Variants in MMEL1 observed in about 807,000 individuals in gnomAD.
MMEL1 encodes membrane metallo-endopeptidase-like 1.
In MMEL1, 98 loss-of-function variants were observed where a neutral mutation model predicts 117.1. The ratio of observed to expected loss-of-function variants is 0.84; its 90% CI spans 0.71 to 0.99. MMEL1 has a LOEUF of 0.99. Ranked by LOEUF, MMEL1 falls within the 50% of genes least tolerant of loss-of-function variation. The pLI is 0.00. For synonymous variants in MMEL1, 390 were observed against 415.1 expected (o/e 0.94, Z 0.74); for missense variants, 1,014 against 1,049.1 (o/e 0.97, Z 0.46).
At chr1:2,603,828 G>C (rs1570670741) in intron 11 of MMEL1, 56 bp downstream of exon 11, 2 of 1,521,690 alleles carry the variant, frequency 1.3e-6, no homozygotes, top group Non-Finnish European at 1.8e-6. Context: ...CCGCTTCCAT[G>C]TCCCCCACGA....
chr1:2,591,120 A>G (rs781050832), intron 23 of MMEL1, 31 bp from the exon 24 acceptor site: 2 of 1,480,314 alleles, frequency 1.4e-6, no homozygotes, highest in Non-Finnish European at 1.8e-6. Flanking sequence ...CAGCAGGAGC[A>G]TTGCCATCTT....
intron 13 of MMEL1, 93 bp downstream of exon 13, chr1:2,598,114 T>C (rs1468334917): frequency 1.7e-6 from 2 of 1,194,888 alleles, no homozygotes; most frequent in East Asian, 2.3e-5. Context: ...GTGACCCTGG[T>C]GTGGACCTCG....
chr1:2,598,775 G>C lies in MMEL1; in HGVS notation c.1057C>G (p.Leu353Val). 1 of 1,613,924 alleles carries C rather than the reference G, an allele frequency of 6.2e-7. No homozygotes were observed. Among genetic ancestry groups the C allele is most frequent in the Non-Finnish European group, 8.5e-7 (1 of 1,179,896 alleles). Residue 353 changes from leucine (L) to valine (V), a missense_variant, in exon 12 of 24, where the codon CTG (leucine) becomes GTG (valine). Leu to Val is a conservative substitution (Grantham distance 32). Coordinates refer to ENST00000378412, the MANE Select transcript of MMEL1 (RefSeq NM_033467.4). Reference sequence around the variant, plus strand: ...GAGGATAGCACAGTTTGTATGAACAGAGTCCAGTTAAATCCCTGCAGATAG... The same window carrying C: ...GAGGATAGCACAGTTTGTATGAACACAGTCCAGTTAAATCCCTGCAGATAG... ...QFGLKGFNWTLFIQTVLSSVK... is the reference protein window; with the variant it reads ...QFGLKGFNWTVFIQTVLSSVK...
Position 2,592,650 on chromosome 1 carries a change from C to T in MMEL1, c.2067+5G>A. ...GCTGACGCCCCCTCCCCTGCCAGGC[C>T]CCACCTTATAGGCTTGCCGCACCCC... On this transcript the variant is annotated splice_donor_5th_base_variant and intron_variant, in intron 21 of 23. Coordinates refer to ENST00000378412, the MANE Select transcript of MMEL1 (RefSeq NM_033467.4). 1.9e-6 allele frequency: 3 copies of T among 1,582,286 alleles called. No individual in the cohort carries two copies. The highest frequency in any genetic ancestry group is 1.7e-6 in the Non-Finnish European group (2 of 1,167,362).
intron 9 of MMEL1, 61 bp downstream of exon 9, chr1:2,605,497 C>T (rs1645007810): frequency 6.7e-7 from 1 of 1,484,938 alleles, no homozygotes; most frequent in Non-Finnish European, 9.3e-7. Flanking sequence ...ACGGGAAGGC[C>T]AGACCACGGG....
chr1:2,626,401 T>A (rs969911412), intron 2 of MMEL1, among the ~76,000 whole-genome samples: 14 of 152,226 alleles, frequency 9.2e-5, no homozygotes, highest in African/African-American at 3.1e-4. Context: ...AGTCTTGGGG[T>A]TGGACTTCTG....
intron 3 of MMEL1, among the ~76,000 whole-genome samples, chr1:2,611,567 TCTTCCATCCCCATGGGTGG>T (rs1223947371): frequency 6.6e-6 from 1 of 152,134 alleles, no homozygotes; most frequent in Non-Finnish European, 1.5e-5. Flanking sequence ...CTCCACCCCA[TCTTCCATCCCCATGGGTGG>T]TCCAGCCTGG....
chr1:2,616,215 AC>A (rs1415548959), intron 2 of MMEL1, among the ~76,000 whole-genome samples: 2 of 151,936 alleles, frequency 1.3e-5, no homozygotes, highest in East Asian at 3.9e-4. Flanking sequence ...GATGGTGGAC[AC>A]CTGTGGTTCC....
At chr1:2,630,608 T>G (rs774083740) in intron 1 of MMEL1, among the ~76,000 whole-genome samples, 1 of 151,388 alleles carries the variant, frequency 6.6e-6, no homozygotes. Flanking sequence ...CGTGTGTGCA[T>G]GTGTGTGACT....
At chr1:2,604,426 A>G (rs1222457462) in intron 9 of MMEL1, 145 bp from the exon 10 acceptor site, 2 of 1,184,684 alleles carry the variant, frequency 1.7e-6, no homozygotes, top group Admixed American at 2.5e-5. Context: ...TCTCGGGCAC[A>G]CAGAGTGCCG....
At chr1:2,623,310 G>T (rs1252372369) in intron 2 of MMEL1, among the ~76,000 whole-genome samples, 1 of 152,134 alleles carries the variant, frequency 6.6e-6, no homozygotes, top group Non-Finnish European at 1.5e-5. Flanking sequence ...AGTTAAATAA[G>T]CATAAAAATT....
intron 2 of MMEL1, among the ~76,000 whole-genome samples, chr1:2,626,544 A>G (rs1321335339): frequency 1.3e-5 from 2 of 152,270 alleles, no homozygotes; most frequent in Admixed American, 6.5e-5. Context: ...CTGTGTTCCA[A>G]TAAAACTTTA....
rs553955383 is a variant in MMEL1, at chr1:2,600,072, A to G, written c.1042-1282T>C. Among the ~76,000 whole-genome samples, 228 of 152,106 alleles carry G rather than the reference A, an allele frequency of 1.5e-3. 4 individuals carry two copies. Among genetic ancestry groups the G allele is most frequent in the East Asian group, 3.9e-4 (2 of 5,132 alleles). On this transcript the variant is annotated intron_variant, in intron 11 of 23. Coordinates refer to ENST00000378412, the MANE Select transcript of MMEL1 (RefSeq NM_033467.4). ...AACCTCTGACCCCTGGGTTCAAGCAATTCTGCTGCCTCAGCCTCCCTAGTA... is the reference window on the plus strand; with the variant it reads ...AACCTCTGACCCCTGGGTTCAAGCAGTTCTGCTGCCTCAGCCTCCCTAGTA...
chr1:2,596,161 C>A (rs1644835846), intron 14 of MMEL1, 54 bp from the exon 15 acceptor site: 3 of 1,518,802 alleles, frequency 2.0e-6, no homozygotes, highest in South Asian at 2.3e-5. Flanking sequence ...GGCGAATGAC[C>A]AGCCTCAAGG....
At chr1:2,610,288 C>T (rs11589185) in intron 4 of MMEL1, among the ~76,000 whole-genome samples, 9,438 of 152,290 alleles carry the variant, frequency 0.062, 407 homozygotes, top group Non-Finnish European at 0.091. Flanking sequence ...AAGTGGTCCA[C>T]CTCGGCCTCC....
At chr1:2,603,747 C>T in intron 11 of MMEL1, 137 bp downstream of exon 11, 2 of 729,022 alleles carry the variant, frequency 2.7e-6, no homozygotes, top group Non-Finnish European at 4.5e-6. Context: ...TGATCAGGTA[C>T]AGGGTCTCCC....
chr1:2,628,289 C>A (rs552398227), intron 2 of MMEL1, among the ~76,000 whole-genome samples: 2 of 152,240 alleles, frequency 1.3e-5, no homozygotes, highest in African/African-American at 2.4e-5. Context: ...CATGCAGCCC[C>A]GGGCCGGGAC....
At chr1:2,629,301 G>A (rs1254748670) in intron 2 of MMEL1, 30 bp downstream of exon 2, 16 of 1,515,084 alleles carry the variant, frequency 1.1e-5, no homozygotes, top group Non-Finnish European at 1.2e-5. Flanking sequence ...CGGGCACGGG[G>A]ACAGGCGGGG....
At chr1:2,609,282 C>G in intron 6 of MMEL1, 57 bp downstream of exon 6, 1 of 1,548,814 alleles carries the variant, frequency 6.5e-7, no homozygotes, top group South Asian at 1.2e-5. Context: ...TAGGCCCTGG[C>G]AGGGGCAGCC....
Sources: gnomAD v4.1 joint callset for allele counts (sites outside exome capture counted in the v4.1 genomes callset) on GRCh38, gnomAD v4.1.1 for gene constraint, MANE v1.5 for transcripts, NCBI Gene and HGNC (gene_info 2026-07-23, HGNC 2026-07-21) for gene names.